Variants in TENM2 observed in about 807,000 individuals in gnomAD.
TENM2 encodes the protein teneurin transmembrane protein 2, also known as teneurin-2.
Under a neutral mutation model 245.2 loss-of-function variants are expected in TENM2, and 52 were observed. The ratio of observed to expected loss-of-function variants is 0.21; its 90% CI spans 0.17 to 0.27. TENM2 has a LOEUF of 0.27. Among genes scored for constraint, TENM2 ranks in the 10% least tolerant of loss-of-function variants. The pLI, the probability that TENM2 is intolerant of heterozygous loss-of-function variation, is 1.00. For missense variants in TENM2, 3,046 were observed against 3,666.8 expected (o/e 0.83, Z 4.37); for synonymous variants, 1,363 against 1,438.9 (o/e 0.95, Z 1.19).
chr5:168,021,910 A>C (rs1441818852), intron 5 of TENM2, among the ~76,000 whole-genome samples: 1 of 152,136 alleles, frequency 6.6e-6, no homozygotes, highest in Non-Finnish European at 1.5e-5. Context: ...CCCCCTCCTA[A>C]GTGGTAACAG....
chr5:167,042,764 T>C, the TENM2 span, among the ~76,000 whole-genome samples: 5 of 152,254 alleles, frequency 3.3e-5, no homozygotes, highest in Non-Finnish European at 5.9e-5. Flanking sequence ...TTTCTACTTA[T>C]ATCTCTGGTT....
intron 10 of TENM2, among the ~76,000 whole-genome samples, chr5:168,123,335 G>A (rs4976571): frequency 0.3 from 45,954 of 151,790 alleles, 7,418 homozygotes; most frequent in East Asian, 0.63. Flanking sequence ...GCATTATTTT[G>A]TGCCCCATAG....
intron 2 of TENM2, among the ~76,000 whole-genome samples, chr5:167,711,829 A>G (rs1210048422): frequency 6.6e-6 from 1 of 151,684 alleles, no homozygotes; most frequent in Non-Finnish European, 1.5e-5. Context: ...ATCTTTACCC[A>G]TTTTTCTCTC....
At chr5:167,836,723 AG>A (rs1769026680) in intron 2 of TENM2, among the ~76,000 whole-genome samples, 1 of 152,104 alleles carries the variant, frequency 6.6e-6, no homozygotes, top group African/African-American at 2.4e-5. Context: ...GACATCAGAG[AG>A]GGGGGCAGAA....
rs566471227 is a variant in TENM2 at position 168,046,182 on chromosome 5, T to C, written c.1187-1245T>C. Reference sequence around the variant, plus strand: ...ACCTTAATAGAATGCAGTCTGACTTTACGTGGTGGTAGGCATGCAGAATTA... The same window carrying C: ...ACCTTAATAGAATGCAGTCTGACTTCACGTGGTGGTAGGCATGCAGAATTA... On this transcript the variant is annotated intron_variant, in intron 5 of 28. Coordinates refer to ENST00000518659, the Ensembl canonical transcript of TENM2. Among the ~76,000 whole-genome samples, 3 of 152,316 alleles carry C rather than the reference T, an allele frequency of 2.0e-5. No individual in the cohort carries two copies. In the South Asian group the frequency reaches 6.2e-4, roughly 32 times the overall value.
At chr5:168,034,127 ATATATATG>A (rs1161106406) in intron 5 of TENM2, among the ~76,000 whole-genome samples, 1 of 123,336 alleles carries the variant, frequency 8.1e-6, no homozygotes, top group African/African-American at 2.9e-5. Context: ...ATGTGTATAT[ATATATATG>A]TATACATATA....
intron 6 of TENM2, among the ~76,000 whole-genome samples, chr5:168,048,081 G>A (rs1788767297): frequency 1.3e-5 from 2 of 152,156 alleles, no homozygotes; most frequent in African/African-American, 2.4e-5. Context: ...AAGGAGTTTT[G>A]ACAACTCGGC....
the TENM2 span, among the ~76,000 whole-genome samples, chr5:167,083,700 G>A: frequency 6.6e-6 from 1 of 152,134 alleles, no homozygotes; most frequent in Non-Finnish European, 1.5e-5. Context: ...AAGACCATTA[G>A]GGGCTTCAGG....
At chr5:167,613,916 A>T (rs1363989867) in intron 2 of TENM2, among the ~76,000 whole-genome samples, 2 of 152,084 alleles carry the variant, frequency 1.3e-5, no homozygotes, top group Non-Finnish European at 2.9e-5. Context: ...AGTTAAAAAA[A>T]TTATTCATGT....
chr5:167,193,512 G>A, the TENM2 span, among the ~76,000 whole-genome samples: 1 of 151,882 alleles, frequency 6.6e-6, no homozygotes, highest in African/African-American at 2.4e-5. Flanking sequence ...AGGGTGGGGT[G>A]GGGACATTCT....
chr5:167,139,987 T>C, the TENM2 span, among the ~76,000 whole-genome samples: 1 of 152,332 alleles, frequency 6.6e-6, no homozygotes, highest in African/African-American at 2.4e-5. Context: ...AGAGTTTTAC[T>C]CTTTCCTTTT....
intron 12 of TENM2, among the ~76,000 whole-genome samples, chr5:168,155,481 C>A (rs781071104): frequency 9.9e-5 from 15 of 151,966 alleles, no homozygotes; most frequent in Admixed American, 9.8e-4. Flanking sequence ...TGTAGTCTAC[C>A]TTCGTGTCTC....
At chr5:167,472,685 T>C (rs545570107) in intron 2 of TENM2, among the ~76,000 whole-genome samples, 17 of 152,352 alleles carry the variant, frequency 1.1e-4, no homozygotes, top group Middle Eastern at 3.4e-3. Context: ...ATAAAGGCTT[T>C]ATCTGAAGAA....
intron 2 of TENM2, among the ~76,000 whole-genome samples, chr5:167,404,263 G>A (rs769235691): frequency 1.3e-5 from 2 of 151,904 alleles, no homozygotes; most frequent in Non-Finnish European, 2.9e-5. Flanking sequence ...GAGATGAAAG[G>A]CCCGTGCAAT....
intron 12 of TENM2, among the ~76,000 whole-genome samples, chr5:168,146,968 G>A (rs920698017): frequency 5.9e-5 from 9 of 152,264 alleles, no homozygotes; most frequent in African/African-American, 2.2e-4. Context: ...CTCTGCAGGA[G>A]TGTGTCCTTG....
At chr5:167,318,953 G>A (rs1322992883) in intron 1 of TENM2, among the ~76,000 whole-genome samples, 1 of 152,182 alleles carries the variant, frequency 6.6e-6, no homozygotes, top group Non-Finnish European at 1.5e-5. Flanking sequence ...AGAGCAGTTG[G>A]AATAATATTT....
chr5:167,697,598 T>C (rs1757850803), intron 2 of TENM2, among the ~76,000 whole-genome samples: 2 of 152,206 alleles, frequency 1.3e-5, no homozygotes, highest in Non-Finnish European at 2.9e-5. Context: ...CCATCTCGGC[T>C]CACTGCAACC....
At chr5:167,003,752 G>A in the TENM2 span, among the ~76,000 whole-genome samples, 1 of 152,146 alleles carries the variant, frequency 6.6e-6, no homozygotes, top group Non-Finnish European at 1.5e-5. Context: ...ATAGTAAAAT[G>A]TAGTGACTAA....
chr5:167,861,242 A>G (rs977605647), intron 2 of TENM2, among the ~76,000 whole-genome samples: 2 of 152,124 alleles, frequency 1.3e-5, no homozygotes, highest in Admixed American at 6.5e-5. Flanking sequence ...GAAGGTGGGC[A>G]AAGGCCTCTC....
Sources: allele counts gnomAD v4.1 joint callset (sites outside exome capture counted in the v4.1 genomes callset), GRCh38; gene constraint gnomAD v4.1.1; transcripts MANE v1.5; gene names NCBI Gene and HGNC (gene_info 2026-07-23, HGNC 2026-07-21).